Variants in CPNE4 observed in about 807,000 individuals in gnomAD.
CPNE4 encodes the protein copine 4.
Under a neutral mutation model 67.9 loss-of-function variants are expected in CPNE4, and 25 were observed. The ratio of observed to expected loss-of-function variants is 0.37; its 90% CI spans 0.27 to 0.51. The LOEUF (loss-of-function observed/expected upper bound fraction) is 0.51, where lower values mean the gene tolerates loss of function less well. CPNE4 is among the 20% of genes least tolerant of loss of function. The pLI is 0.93. For missense variants in CPNE4, 464 were observed against 690.8 expected (o/e 0.67, Z 3.68); for synonymous variants, 242 against 244.9 (o/e 0.99, Z 0.11).
intron 1 of CPNE4, among the ~76,000 whole-genome samples, chr3:131,940,178 A>G (rs2071345405): frequency 6.6e-6 from 1 of 152,160 alleles, no homozygotes; most frequent in Non-Finnish European, 1.5e-5. Flanking sequence ...TTTATATAAA[A>G]AAAGAAAACA....
chr3:131,871,339 T>A (rs996605598), intron 2 of CPNE4, among the ~76,000 whole-genome samples: 1 of 152,096 alleles, frequency 6.6e-6, no homozygotes, highest in African/African-American at 2.4e-5. Context: ...TTGCTGGAAA[T>A]TGAAATAAGA....
At chr3:131,826,165 A>C (rs530711124) in intron 2 of CPNE4, among the ~76,000 whole-genome samples, 1 of 152,004 alleles carries the variant, frequency 6.6e-6, no homozygotes, top group East Asian at 1.9e-4. Context: ...ATATTCTAAA[A>C]CATCAGGACT....
chr3:131,617,557 G>A (rs1940225888), intron 7 of CPNE4, among the ~76,000 whole-genome samples: 1 of 152,156 alleles, frequency 6.6e-6, no homozygotes, highest in African/African-American at 2.4e-5. Flanking sequence ...TGAAAACAAT[G>A]TGTAGACTAA....
intron 7 of CPNE4, among the ~76,000 whole-genome samples, chr3:131,627,312 G>C (rs2079104244): frequency 6.6e-6 from 1 of 152,036 alleles, no homozygotes; most frequent in Admixed American, 6.6e-5. Context: ...TCTGTTTATA[G>C]CGTGGCTTTC....
rs769663574 is a variant in CPNE4 at position 131,587,553 on chromosome 3, G to A, written c.711C>T (p.Gly237=). The part of the protein sequence containing the change: ...KCIVWDWDSN[G]KHDFIGEFTS... ...TGAATTCTCCAATGAAGTCATGCTT[G>A]CCATTGGAGTCCCAGTCCCATACTA... The change falls in exon 8 of 16, where the codon GGC becomes GGT. Residue 237 remains glycine (G), a synonymous_variant. Coordinates refer to ENST00000429747, the MANE Select transcript of CPNE4 (RefSeq NM_130808.3). 2.5e-6 allele frequency: 4 copies of A among 1,613,164 alleles called. No homozygotes were observed. The highest frequency in any genetic ancestry group is 3.3e-5 in the Admixed American group (2 of 59,958).
At chr3:132,008,917 C>G (rs942242869) in intron 1 of CPNE4, among the ~76,000 whole-genome samples, 1 of 152,174 alleles carries the variant, frequency 6.6e-6, no homozygotes, top group African/African-American at 2.4e-5. Context: ...CCTTTTGCAT[C>G]CTGGGATTAT....
At chr3:131,840,647 T>C (rs2085739993) in intron 2 of CPNE4, among the ~76,000 whole-genome samples, 1 of 152,200 alleles carries the variant, frequency 6.6e-6, no homozygotes, top group Non-Finnish European at 1.5e-5. Context: ...TGGTGCTTAT[T>C]AACTAGCTTT....
intron 2 of CPNE4, among the ~76,000 whole-genome samples, chr3:131,884,766 T>A (rs2087813698): frequency 6.6e-6 from 1 of 152,160 alleles, no homozygotes; most frequent in Admixed American, 6.5e-5. Flanking sequence ...TATCAGGGGT[T>A]TCCGCTTTTG....
chr3:131,899,849 T>G (rs2088483466), intron 2 of CPNE4, among the ~76,000 whole-genome samples: 1 of 152,128 alleles, frequency 6.6e-6, no homozygotes, highest in South Asian at 2.1e-4. Flanking sequence ...CCTCATGGTT[T>G]AATACATGAA....
At chr3:131,845,028 A>G (rs6763315) in intron 2 of CPNE4, among the ~76,000 whole-genome samples, 32,993 of 152,230 alleles carry the variant, frequency 0.22, 3,871 homozygotes, top group Admixed American at 0.33. Flanking sequence ...ACTTCAAACT[A>G]TATTTCAAAA....
intron 11 of CPNE4, among the ~76,000 whole-genome samples, chr3:131,556,093 G>T (rs1306365377): frequency 3.3e-5 from 5 of 152,044 alleles, no homozygotes; most frequent in African/African-American, 1.2e-4. Context: ...AAGCAATGGG[G>T]CCAGGTGCAG....
chr3:131,905,251 T>C lies in CPNE4; in HGVS notation c.180+13A>G, dbSNP rs1209262011. On this transcript the variant is annotated intron_variant, in intron 2 of 15. Coordinates refer to ENST00000429747, the MANE Select transcript of CPNE4 (RefSeq NM_130808.3). ...CCAGCCATGGTTCTGTCCATTTCAT[T>C]GGACATGCCTACCTCAAACCACTGC... is the stretch of plus-strand genomic sequence containing the variant. 2 of 1,602,676 alleles carry C rather than the reference T, an allele frequency of 1.2e-6. No individual in the cohort carries two copies. Among genetic ancestry groups the C allele is most frequent in the Admixed American group, 3.4e-5 (2 of 58,826 alleles).
intron 2 of CPNE4, among the ~76,000 whole-genome samples, chr3:131,778,735 G>A (rs1347162362): frequency 6.6e-6 from 1 of 152,052 alleles, no homozygotes; most frequent in Middle Eastern, 3.2e-3. Context: ...TCTCAGGAAT[G>A]AGAATACAGC....
At chr3:131,835,881 A>T (rs1256027531) in intron 2 of CPNE4, among the ~76,000 whole-genome samples, 1 of 152,146 alleles carries the variant, frequency 6.6e-6, no homozygotes, top group East Asian at 1.9e-4. Context: ...GTCCCTCACT[A>T]AGCAAAGGTA....
intron 2 of CPNE4, among the ~76,000 whole-genome samples, chr3:131,889,515 A>C (rs952428929): frequency 6.6e-6 from 1 of 152,230 alleles, no homozygotes; most frequent in African/African-American, 2.4e-5. Context: ...AGCCTGGTGG[A>C]TCACACTACA....
intron 7 of CPNE4, among the ~76,000 whole-genome samples, chr3:131,663,641 C>T (rs544378767): frequency 1.1e-4 from 17 of 152,166 alleles, no homozygotes; most frequent in Admixed American, 1.0e-3. Flanking sequence ...TTTAACAGAG[C>T]ACTTTTCTGA....
At chr3:132,021,609 T>G (rs1304080134) in intron 1 of CPNE4, among the ~76,000 whole-genome samples, 1 of 152,194 alleles carries the variant, frequency 6.6e-6, no homozygotes, top group Non-Finnish European at 1.5e-5. Flanking sequence ...TACAAAACTT[T>G]ATTTATGAAA....
At chr3:131,946,423 C>T (rs2071553883) in intron 1 of CPNE4, among the ~76,000 whole-genome samples, 2 of 152,082 alleles carry the variant, frequency 1.3e-5, no homozygotes, top group Admixed American at 1.3e-4. Context: ...TATTCATTCA[C>T]CTGTTGATGG....
At chr3:131,770,831 T>C (rs1345958405) in intron 2 of CPNE4, among the ~76,000 whole-genome samples, 1 of 152,200 alleles carries the variant, frequency 6.6e-6, no homozygotes, top group Non-Finnish European at 1.5e-5. Context: ...TGTCATGACT[T>C]GGATCCCTGA....
Sources: gnomAD v4.1 joint callset for allele counts (sites outside exome capture counted in the v4.1 genomes callset) on GRCh38, gnomAD v4.1.1 for gene constraint, MANE v1.5 for transcripts, NCBI Gene and HGNC (gene_info 2026-07-23, HGNC 2026-07-21) for gene names.